The following FXN variants were observed in gnomAD, a reference collection of about 807,000 sequenced individuals.
FXN encodes frataxin, also known as frataxin, mitochondrial.
Under a neutral mutation model 22.4 loss-of-function variants are expected in FXN, and 14 were observed. That is an observed-to-expected ratio of 0.62 (90% CI 0.41 to 0.98). The LOEUF is 0.98. Ranked by LOEUF, FXN falls within the 50% of genes least tolerant of loss-of-function variation. FXN has a pLI of 0.00. For missense variants in FXN, 267 were observed against 268.4 expected (o/e 0.99, Z 0.04); for synonymous variants, 120 against 114.1 (o/e 1.05, Z -0.33).
intron 3 of FXN, among the ~76,000 whole-genome samples, chr9:69,057,976 G>A (rs1175709440): frequency 6.6e-6 from 1 of 152,156 alleles, no homozygotes; most frequent in Non-Finnish European, 1.5e-5. Flanking sequence ...ACATAGTAGG[G>A]ACTTAATAAA....
rs1276048178 is a variant in FXN at position 69,076,544 on chromosome 9, A to T, written c.*3782A>T. On this transcript the variant is annotated 3_prime_UTR_variant, in exon 5 of 5. Transcript: ENST00000484259. Reference sequence around the variant, plus strand: ...TCTAAAACTATTTTAGCCAATTTAAAATTTGACAGTTTGCATTAAATTATA... The same window carrying T: ...TCTAAAACTATTTTAGCCAATTTAATATTTGACAGTTTGCATTAAATTATA... 11 of 985,252 alleles carry T rather than the reference A, an allele frequency of 1.1e-5. No homozygotes were observed. The South Asian group carries it at 4.7e-4, about 42-fold the overall frequency. 61.0% of individuals were successfully genotyped at this position (985,252 alleles called of 1,614,324 possible).
At chr9:69,035,983 C>A (rs746058538) in intron 1 of FXN, 36 bp downstream of exon 1, 3 of 1,380,948 alleles carry the variant, frequency 2.2e-6, no homozygotes, top group South Asian at 3.1e-5. Flanking sequence ...GCGGGCCGCA[C>A]GCCGCGGGCC....
At position 69,073,712 on chromosome 9, in the gene FXN, G is replaced by A. The variant is rs766696067; in HGVS notation, c.*950G>A. The A allele has an allele frequency of 4.5e-5, 44 of 985,308 alleles. No homozygotes were observed. Among genetic ancestry groups the A allele is most frequent in the Non-Finnish European group, 5.2e-5 (43 of 829,956 alleles). The allele number at this position is 985,308 out of a possible 1,614,324, so 61.0% of individuals were successfully genotyped here. On this transcript the variant is annotated 3_prime_UTR_variant, in exon 5 of 5. Transcript: ENST00000484259. ...CTCTGCTTCCCCATCTGTTAAATGA[G>A]AGAATAGAGTATGGTTGATTCCCAG... is the stretch of plus-strand genomic sequence containing the variant.
chr9:69,046,905 T>C (rs1322507613), intron 2 of FXN, among the ~76,000 whole-genome samples: 1 of 152,200 alleles, frequency 6.6e-6, no homozygotes, highest in Non-Finnish European at 1.5e-5. Flanking sequence ...TGTCAGTGCC[T>C]TACTGTCCTC....
At position 69,035,754 on chromosome 9, in the gene FXN, G is replaced by T; in HGVS notation, c.-29G>T. On this transcript the variant is annotated 5_prime_UTR_variant, in exon 1 of 5. Coordinates refer to ENST00000484259, the MANE Select transcript of FXN (RefSeq NM_000144.5). Reference sequence around the variant, plus strand: ...GTCGCCGCAGCACCCAGCGCTGGAGGGCGGAGCGGGCGGCAGACCCGGAGC... The same window carrying T: ...GTCGCCGCAGCACCCAGCGCTGGAGTGCGGAGCGGGCGGCAGACCCGGAGC... 6.7e-7 allele frequency: 1 copy of T among 1,491,744 alleles called. No homozygotes were observed. The allele number at this position is 1,491,744 out of a possible 1,614,324, so 92.4% of individuals were successfully genotyped here.
At chr9:69,053,636 C>G (rs913739827) in intron 3 of FXN, among the ~76,000 whole-genome samples, 1 of 152,180 alleles carries the variant, frequency 6.6e-6, no homozygotes, top group African/African-American at 2.4e-5. Flanking sequence ...CTCAGCCTCT[C>G]TGAGCCTCAT....
intron 3 of FXN, among the ~76,000 whole-genome samples, chr9:69,054,578 C>G (rs951979891): frequency 6.6e-6 from 1 of 152,052 alleles, no homozygotes; most frequent in African/African-American, 2.4e-5. Context: ...GTGGCATGAT[C>G]TCACTGCAAC....
At chr9:69,040,681 A>C (rs1831641524) in intron 1 of FXN, among the ~76,000 whole-genome samples, 1 of 152,106 alleles carries the variant, frequency 6.6e-6, no homozygotes, top group Non-Finnish European at 1.5e-5. Flanking sequence ...GAAAAAAATA[A>C]ATAAATAAAT....
intron 4 of FXN, among the ~76,000 whole-genome samples, chr9:69,070,919 C>T (rs1195945127): frequency 1.3e-5 from 2 of 152,040 alleles, no homozygotes; most frequent in African/African-American, 2.4e-5. Context: ...AATCCTCCCA[C>T]ATCAGCCTCC....
At chr9:69,059,389 A>ATTTTTTTTTTT (rs1329506700) in intron 3 of FXN, among the ~76,000 whole-genome samples, 1 of 50,010 alleles carries the variant, frequency 2.0e-5, no homozygotes, top group Admixed American at 3.0e-4. Context: ...CAGAGGCAGC[A>ATTTTTTTTTTT]TCTTTTTTTT....
chr9:69,063,141 G>C (rs547708529), intron 3 of FXN, among the ~76,000 whole-genome samples: 1 of 152,306 alleles, frequency 6.6e-6, no homozygotes, highest in African/African-American at 2.4e-5. Flanking sequence ...TGAGGCTGCA[G>C]TGAGCCATGA....
chr9:69,064,224 CT>C (rs1259625979), intron 3 of FXN, among the ~76,000 whole-genome samples: 2 of 152,190 alleles, frequency 1.3e-5, no homozygotes, highest in African/African-American at 4.8e-5. Context: ...GTAAAGGACT[CT>C]TTTGTTGAAA....
chr9:69,061,284 C>T (rs777828114), intron 3 of FXN, among the ~76,000 whole-genome samples: 1 of 152,134 alleles, frequency 6.6e-6, no homozygotes, highest in Non-Finnish European at 1.5e-5. Context: ...ACCTTGAGCA[C>T]GCATCTGCCC....
chr9:69,061,472 C>G (rs1022485418), intron 3 of FXN, among the ~76,000 whole-genome samples: 2 of 152,026 alleles, frequency 1.3e-5, no homozygotes, highest in Non-Finnish European at 2.9e-5. Flanking sequence ...ATTTAAGGGC[C>G]ACAAAGAGAA....
chr9:69,061,369 G>A (rs1418297550), intron 3 of FXN, among the ~76,000 whole-genome samples: 14 of 152,120 alleles, frequency 9.2e-5, no homozygotes, highest in Admixed American at 9.2e-4. Flanking sequence ...TCAGTGATGA[G>A]ACCAGACCTG....
Position 69,078,974 on chromosome 9 carries a change from T to G in FXN, c.*6212T>G, listed in dbSNP as rs1027592306. On this transcript the variant is annotated 3_prime_UTR_variant, in exon 5 of 5. Coordinates refer to ENST00000484259, the MANE Select transcript of FXN (RefSeq NM_000144.5). ...GTTGACTGCTGTTGCCCTAGCATCT[T>G]GCACAGTTCCTTGCACACAATTAGA... 9 of 903,954 alleles carry G rather than the reference T, an allele frequency of 1.0e-5. No homozygotes were observed. The highest frequency in any genetic ancestry group is 1.2e-5 in the Non-Finnish European group (9 of 755,850). The allele number at this position is 903,954 out of a possible 1,614,324, so 56.0% of individuals were successfully genotyped here.
intron 1 of FXN, among the ~76,000 whole-genome samples, chr9:69,038,111 C>T (rs972505170): frequency 1.3e-5 from 2 of 152,256 alleles, no homozygotes; most frequent in African/African-American, 4.8e-5. Context: ...TTAGCAACCT[C>T]TGTCACCAGC....
intron 3 of FXN, among the ~76,000 whole-genome samples, chr9:69,055,655 G>A (rs949336742): frequency 2.0e-4 from 30 of 151,602 alleles, no homozygotes; most frequent in African/African-American, 6.5e-4. Flanking sequence ...CACAATACAG[G>A]GCTAAGTTTT....
chr9:69,077,378 G>A lies in FXN; in HGVS notation c.*4616G>A, dbSNP rs963391563. ...AAGCTCATATGTTCCATCTTCTCTG[G>A]CTGTATAGTTTAAGGAATGGAAGGC... On this transcript the variant is annotated 3_prime_UTR_variant, in exon 5 of 5. Transcript: ENST00000484259. The A allele has an allele frequency of 1.0e-6, 1 of 985,302 alleles. No individual in the cohort carries two copies. Among genetic ancestry groups the A allele is most frequent in the African/African-American group, 1.7e-5 (1 of 57,234 alleles). The allele number at this position is 985,302 out of a possible 1,614,324, so 61.0% of individuals were successfully genotyped here.
Sources: gnomAD v4.1 joint callset for allele counts (sites outside exome capture counted in the v4.1 genomes callset) on GRCh38, gnomAD v4.1.1 for gene constraint, MANE v1.5 for transcripts, NCBI Gene and HGNC (gene_info 2026-07-23, HGNC 2026-07-21) for gene names.